CACNA1B: variants seen among roughly 807,000 people sequenced by gnomAD.
CACNA1B encodes voltage-dependent N-type calcium channel subunit alpha-1B.
In CACNA1B, 70 loss-of-function variants were observed where a neutral mutation model predicts 247.2. That is an observed-to-expected ratio of 0.28 (90% CI 0.23 to 0.35). The LOEUF is 0.35. Among genes scored for constraint, CACNA1B ranks in the 10% least tolerant of loss-of-function variants. The pLI is 1.00. For missense variants in CACNA1B, 2,367 were observed against 3,197.4 expected (o/e 0.74, Z 6.26); for synonymous variants, 1,231 against 1,294.4 (o/e 0.95, Z 1.05).
At chr9:138,112,136 C>T (rs1158874613) in intron 39 of CACNA1B, among the ~76,000 whole-genome samples, 2 of 152,152 alleles carry the variant, frequency 1.3e-5, no homozygotes, top group Admixed American at 6.5e-5. Flanking sequence ...CATGCACACA[C>T]GTCGGACACA....
intron 31 of CACNA1B, among the ~76,000 whole-genome samples, chr9:138,064,040 C>T (rs1408438786): frequency 6.6e-6 from 1 of 152,218 alleles, no homozygotes; most frequent in Non-Finnish European, 1.5e-5. Flanking sequence ...CACGAGACCA[C>T]TGAGAGATGG....
At position 138,115,573 on chromosome 9, in the gene CACNA1B, C is replaced by T. The variant is rs1031725946; in HGVS notation, c.5671C>T (p.His1891Tyr). The change falls in exon 42 of 47, where the codon CAC becomes TAC. Residue 1891 changes from histidine (H) to tyrosine (Y), a missense_variant. Coordinates refer to ENST00000371372, the MANE Select transcript of CACNA1B (RefSeq NM_000718.4). ...LSQMGPVSLF[H>Y]PLKATLEQTQ... ...GCAGATGGGTCCTGTGTCCCTGTTCCACCCTCTGAAGGCCACCCTGGAGCA... is the reference window on the plus strand; with the variant it reads ...GCAGATGGGTCCTGTGTCCCTGTTCTACCCTCTGAAGGCCACCCTGGAGCA... 3 of 1,613,556 alleles carry T rather than the reference C, an allele frequency of 1.9e-6. No individual in the cohort carries two copies. Among genetic ancestry groups the T allele is most frequent in the Non-Finnish European group, 2.5e-6 (3 of 1,179,808 alleles).
chr9:137,972,789 T>C (rs1340577852), intron 11 of CACNA1B, among the ~76,000 whole-genome samples: 1 of 152,030 alleles, frequency 6.6e-6, no homozygotes, highest in Admixed American at 6.6e-5. Context: ...GGGGAGATGG[T>C]GCGGAGGGGC....
rs1957966692 is a variant in CACNA1B, at chr9:137,957,756, C to G, written c.1333+69C>G. 4 of 1,129,760 alleles carry G rather than the reference C, an allele frequency of 3.5e-6. No individual in the cohort carries two copies. Among genetic ancestry groups the G allele is most frequent in the Middle Eastern group, 2.1e-4 (1 of 4,776 alleles). 70.0% of individuals were successfully genotyped at this position (1,129,760 alleles called of 1,614,324 possible). A position where few individuals can be genotyped will look rare whatever the true frequency, so the allele number is the denominator to read the frequency against. On this transcript the variant is annotated intron_variant, in intron 10 of 46. Transcript: ENST00000371372. The surrounding 1 kb of genome is among the most constrained non-coding windows in gnomAD (Gnocchi z 4.7). ...GACATGGAGTGCATGCTCCGCTTCCCCTGCTACCCAGCCACTGTTGGACGC... is the reference window on the plus strand; with the variant it reads ...GACATGGAGTGCATGCTCCGCTTCCGCTGCTACCCAGCCACTGTTGGACGC...
intron 26 of CACNA1B, among the ~76,000 whole-genome samples, chr9:138,055,747 C>G (rs1959471539): frequency 6.6e-6 from 1 of 152,150 alleles, no homozygotes; most frequent in African/African-American, 2.4e-5. Flanking sequence ...CAGCTTTAGG[C>G]CAGGCGCGGT....
chr9:137,993,368 A>C (rs998635274), intron 15 of CACNA1B, among the ~76,000 whole-genome samples: 1 of 151,960 alleles, frequency 6.6e-6, no homozygotes, highest in African/African-American at 2.4e-5. Context: ...AGATAGATTA[A>C]ATTTTTATTT....
rs2133380357 is a variant in CACNA1B at position 137,984,221 on chromosome 9, C to T, written c.1740C>T (p.Leu580=). ...SSFGISVLRA[L]RLLRIFKVTK... is the part of the protein sequence containing the mutation. ...TTGGGATCAGTGTGCTGCGGGCCCT[C>T]CGCCTGCTGAGGATCTTCAAAGTCA... Residue 580 remains leucine (L), a synonymous_variant, in exon 13 of 47, where the codon CTC becomes CTT. Transcript: ENST00000371372. 2 of 1,598,662 alleles carry T rather than the reference C, an allele frequency of 1.3e-6. No individual in the cohort carries two copies. Among genetic ancestry groups the T allele is most frequent in the East Asian group, 4.5e-5 (2 of 44,116 alleles).
intron 3 of CACNA1B, among the ~76,000 whole-genome samples, chr9:137,885,996 C>T (rs552243174): frequency 1.2e-4 from 18 of 152,154 alleles, no homozygotes; most frequent in African/African-American, 3.6e-4. Flanking sequence ...TGGAACTCCT[C>T]TGACTCGCTT....
chr9:138,101,043 G>A (rs1490159077), intron 37 of CACNA1B: 3 of 472,980 alleles, frequency 6.3e-6, no homozygotes, highest in African/African-American at 2.0e-5. Flanking sequence ...AGGCTGGGCG[G>A]GCGGGAGGGT....
intron 22 of CACNA1B, 113 bp downstream of exon 22, chr9:138,047,146 C>G: frequency 2.0e-6 from 2 of 997,314 alleles, no homozygotes; most frequent in Non-Finnish European, 2.9e-6. Flanking sequence ...TCACAGGGCA[C>G]CCCTCCTTCC....
Position 137,955,013 on chromosome 9 carries a change from C to T in CACNA1B, c.1071-685C>T, listed in dbSNP as rs1957930587. ...GCTGAGCTGGAAGGGCAAGTGTTCT[C>T]TGCTGGTCACCATGACGGCTGTGAA... On this transcript the variant is annotated intron_variant, in intron 7 of 46. Transcript: ENST00000371372. The surrounding 1 kb of genome is among the most constrained non-coding windows in gnomAD (Gnocchi z 6.9). Among the ~76,000 whole-genome samples the T allele has an allele frequency of 1.3e-5, 2 of 151,992 alleles. No individual in the cohort carries two copies. The highest frequency in any genetic ancestry group is 6.6e-5 in the Admixed American group (1 of 15,262).
At chr9:138,067,329 AT>A (rs1190093592) in intron 31 of CACNA1B, among the ~76,000 whole-genome samples, 15 of 152,340 alleles carry the variant, frequency 9.8e-5, no homozygotes, top group African/African-American at 3.4e-4. Flanking sequence ...TCTTAAACAG[AT>A]TTTTCTAGAG....
At position 137,971,708 on chromosome 9, in the gene CACNA1B, C is replaced by A; in HGVS notation, c.1543+116C>A. On this transcript the variant is annotated intron_variant, in intron 11 of 46. Coordinates refer to ENST00000371372, the MANE Select transcript of CACNA1B (RefSeq NM_000718.4). The surrounding 1 kb of genome is among the most constrained non-coding windows in gnomAD (Gnocchi z 4.4). ...TGGGACGGGACCCACCCCCATGTTG[C>A]TCAAAGTATCCCACAGCCCTAGTCA... is the stretch of plus-strand genomic sequence containing the variant. 1.2e-6 allele frequency: 1 copy of A among 825,782 alleles called. No homozygotes were observed. Among genetic ancestry groups the A allele is most frequent in the Non-Finnish European group, 1.9e-6 (1 of 517,534 alleles). 51.2% of individuals were successfully genotyped at this position (825,782 alleles called of 1,614,324 possible). A position where few individuals can be genotyped will look rare whatever the true frequency, so the allele number is the denominator to read the frequency against.
In CACNA1B at chr9:137,917,457, T is replaced by C. The variant is rs752375125; in HGVS notation, c.966+26T>C. 1.2e-6 allele frequency: 2 copies of C among 1,603,418 alleles called. No homozygotes were observed. The highest frequency in any genetic ancestry group is 1.7e-6 in the Non-Finnish European group (2 of 1,173,158). The stretch of plus-strand genomic sequence containing the variant: ...GTGAGTGGCGTCTTGGCCCTGGGCC[T>C]GAGGGCAGGCCCTGGACCTCCTGAG... On this transcript the variant is annotated intron_variant, in intron 6 of 46. Coordinates refer to ENST00000371372, the MANE Select transcript of CACNA1B (RefSeq NM_000718.4). The surrounding 1 kb of genome is among the most constrained non-coding windows in gnomAD (Gnocchi z 5.5).
Position 138,114,291 on chromosome 9 carries a change from G to A in CACNA1B, c.5537-87G>A. The A allele has an allele frequency of 8.7e-6, 6 of 692,888 alleles. 1 individual carries two copies. The highest frequency in any genetic ancestry group is 4.4e-5 in the Admixed American group (2 of 45,108). The allele number at this position is 692,888 out of a possible 1,614,324, so 42.9% of individuals were successfully genotyped here. On this transcript the variant is annotated intron_variant, in intron 40 of 46. Coordinates refer to ENST00000371372, the MANE Select transcript of CACNA1B (RefSeq NM_000718.4). ...TCTTTGTGGGGGGCGAGGGAGGGGC[G>A]GCTGTTTCCTCACCTTACTTCCATA...
Position 138,059,558 on chromosome 9 carries a change from C to A in CACNA1B, c.4585-96C>A. ...CCCTGTGCTCAGGGTCTATCACCCT[C>A]ACCGCTTTCTTAATCAGGGCCACCA... On this transcript the variant is annotated intron_variant, in intron 30 of 46. Transcript: ENST00000371372. The surrounding 1 kb of genome is among the most constrained non-coding windows in gnomAD (Gnocchi z 4.2). The A allele has an allele frequency of 1.3e-6, 1 of 782,890 alleles. No homozygotes were observed. Among genetic ancestry groups the A allele is most frequent in the South Asian group, 1.5e-5 (1 of 66,214 alleles). The allele number at this position is 782,890 out of a possible 1,614,324, so 48.5% of individuals were successfully genotyped here. A position where few individuals can be genotyped will look rare whatever the true frequency, so the allele number is the denominator to read the frequency against.
Position 138,098,452 on chromosome 9 carries a change from G to T in CACNA1B, c.5222+1841G>T, listed in dbSNP as rs543071833. On this transcript the variant is annotated intron_variant, in intron 37 of 46. Coordinates refer to ENST00000371372, the MANE Select transcript of CACNA1B (RefSeq NM_000718.4). ...GGGTGTATTTTTTCTGGAGGAGACT[G>T]TGTTGCAGAAAACAGAGATACTTTA... is the stretch of plus-strand genomic sequence containing the variant. Among the ~76,000 whole-genome samples, 3 of 152,342 alleles carry T rather than the reference G, an allele frequency of 2.0e-5. No individual in the cohort carries two copies. The South Asian group carries it at 6.2e-4, about 32-fold the overall frequency.
intron 3 of CACNA1B, chr9:137,892,526 CG>C (rs1423943909): frequency 2.7e-6 from 1 of 371,504 alleles, no homozygotes; most frequent in Non-Finnish European, 5.4e-6. Flanking sequence ...TCCTTTCTCA[CG>C]CTTCTCTGTC....
chr9:138,002,604 G>GAC lies in CACNA1B; in HGVS notation c.1975-4162_1975-4161dup, dbSNP rs887470334. ...CCTCTGCAGTCCCAGCTACGTGGGA[G>GAC]ACTGAGACAGGAGAATTACTTGAGG... On this transcript the variant is annotated intron_variant, in intron 15 of 46. Coordinates refer to ENST00000371372, the MANE Select transcript of CACNA1B (RefSeq NM_000718.4). Among the ~76,000 whole-genome samples, 176 of 151,432 alleles carry GAC rather than the reference G, an allele frequency of 1.2e-3. 1 individual carries two copies. Among genetic ancestry groups the GAC allele is most frequent in the Non-Finnish European group, 1.2e-4 (8 of 67,890 alleles).
Sources: gnomAD v4.1 joint callset for allele counts (sites outside exome capture counted in the v4.1 genomes callset) on GRCh38, gnomAD v4.1.1 for gene constraint, Gnocchi (gnomAD v3.1) non-coding constraint, MANE v1.5 for transcripts, NCBI Gene and HGNC (gene_info 2026-07-23, HGNC 2026-07-21) for gene names.